Variants in GLS2 observed in about 807,000 individuals in gnomAD.
GLS2 encodes glutaminase liver isoform, mitochondrial.
Under a neutral mutation model 79.0 loss-of-function variants are expected in GLS2, and 52 were observed. The ratio of observed to expected loss-of-function variants is 0.66; its 90% CI spans 0.53 to 0.83. The LOEUF (loss-of-function observed/expected upper bound fraction) is 0.83, where lower values mean the gene tolerates loss of function less well. Among genes scored for constraint, GLS2 ranks in the 40% least tolerant of loss-of-function variants. GLS2 has a pLI of 0.00. For missense variants in GLS2, 561 were observed against 764.8 expected (o/e 0.73, Z 3.14); for synonymous variants, 238 against 280.8 (o/e 0.85, Z 1.52).
chr12:56,480,538 A>G (rs533429448), intron 1 of GLS2, 151 bp from the exon 2 acceptor site: 1 of 648,636 alleles, frequency 1.5e-6, no homozygotes, highest in Admixed American at 2.4e-5. Flanking sequence ...TCTAACTTTC[A>G]TGTCTGTCCT....
In GLS2 at chr12:56,479,644, T is replaced by C. The variant is rs569011089; in HGVS notation, c.404+136A>G. 111 of 1,051,610 alleles carry C rather than the reference T, an allele frequency of 1.1e-4. No individual in the cohort carries two copies. In the Middle Eastern group the frequency reaches 2.0e-3, roughly 19 times the overall value. 65.1% of individuals were successfully genotyped at this position (1,051,610 alleles called of 1,614,324 possible). A position where few individuals can be genotyped will look rare whatever the true frequency, so the allele number is the denominator to read the frequency against. On this transcript the variant is annotated intron_variant, in intron 3 of 17. Transcript: ENST00000311966. ...TTTGAACTCTTATGATGAGTATTCATGTATAACTTATGTAATAAGTAATAA... is the reference window on the plus strand; with the variant it reads ...TTTGAACTCTTATGATGAGTATTCACGTATAACTTATGTAATAAGTAATAA...
chr12:56,475,975 C>G lies in GLS2; in HGVS notation c.840G>C (p.Met280Ile), dbSNP rs755412206. ...CAAACTTCTCTGCTTTGTTACAGTC[C>G]ATCTGCAGAGAAAGAGAGAGATGTC... ...GAIVVSSLIKMDCNKAEKFDF... is the reference protein window; with the variant it reads ...GAIVVSSLIKIDCNKAEKFDF... Residue 280 changes from methionine (M) to isoleucine (I), a missense_variant and splice_region_variant, in exon 8 of 18, where the codon ATG becomes ATC. Physicochemically the swap from Met to Ile is conservative, Grantham distance 10 (BLOSUM62 1). This residue lies in a region of GLS2 where 221 missense variants were observed against 275.6 expected (regional missense o/e 0.80). Transcript: ENST00000311966. 1 of 1,613,072 alleles carries G rather than the reference C, an allele frequency of 6.2e-7. No individual in the cohort carries two copies. Among genetic ancestry groups the G allele is most frequent in the African/African-American group, 1.3e-5 (1 of 74,908 alleles).
At chr12:56,476,200 T>G in intron 7 of GLS2, 1 of 238,978 alleles carries the variant, frequency 4.2e-6, no homozygotes, top group South Asian at 6.7e-5. Context: ...GTCACCCTTG[T>G]CACCCAGGCT....
rs1307885723 is a variant in GLS2, at chr12:56,479,773, C to T, written c.404+7G>A. 1 of 1,592,106 alleles carries T rather than the reference C, an allele frequency of 6.3e-7. No homozygotes were observed. The highest frequency in any genetic ancestry group is 1.7e-5 in the Admixed American group (1 of 58,512). ...GAGAGCAGTGCCCTTGTTTCTGGGG[C>T]CCTCACTTTCGGAAGAGATCTCGGT... is the stretch of plus-strand genomic sequence containing the variant. On this transcript the variant is annotated splice_region_variant and intron_variant, in intron 3 of 17. Coordinates refer to ENST00000311966, the MANE Select transcript of GLS2 (RefSeq NM_013267.4).
intron 4 of GLS2, chr12:56,478,516 C>A (rs1228438159): frequency 4.1e-6 from 2 of 483,768 alleles, no homozygotes; most frequent in East Asian, 3.7e-5. Flanking sequence ...TCTGAGGCAA[C>A]CTTCCCCTTT....
Position 56,472,693 on chromosome 12 carries a change from C to T in GLS2, c.1508G>A (p.Arg503Gln), listed in dbSNP as rs753842932. ...AAYSGDVSAL[R>Q]RFALSAMDME... ...TATTTGGTCACAGTAGCATTACCTT[C>T]GAAGAGCTGAGACATCGCCACTATA... The change falls in exon 15 of 18, where the codon CGA (arginine) becomes CAA (glutamine). Residue 503 changes from arginine (R) to glutamine (Q), a missense_variant. By Grantham distance (43) the Arg-to-Gln change is conservative (BLOSUM62 1). Around this residue, in one of 4 missense-constraint regions of GLS2, gnomAD observed 136 missense variants for 228.6 expected, o/e 0.59. Transcript: ENST00000311966. 5.0e-6 allele frequency: 8 copies of T among 1,613,580 alleles called. No individual in the cohort carries two copies. Among genetic ancestry groups the T allele is most frequent in the East Asian group, 2.2e-5 (1 of 44,872 alleles).
chr12:56,487,190 C>T (rs749708396), intron 1 of GLS2, among the ~76,000 whole-genome samples: 4 of 152,166 alleles, frequency 2.6e-5, no homozygotes, highest in Non-Finnish European at 5.9e-5. Context: ...GAAAAAGGCT[C>T]AGCCACCAAG....
In GLS2 at chr12:56,479,760, C is replaced by T. The variant is rs1301161284; in HGVS notation, c.404+20G>A. On this transcript the variant is annotated intron_variant, in intron 3 of 17. Coordinates refer to ENST00000311966, the MANE Select transcript of GLS2 (RefSeq NM_013267.4). ...AGGACAGTTTTCAGAGAGCAGTGCC[C>T]TTGTTTCTGGGGCCCTCACTTTCGG... The T allele has an allele frequency of 6.3e-7, 1 of 1,586,972 alleles. No homozygotes were observed.
At chr12:56,482,646 C>G (rs1870383934) in intron 1 of GLS2, among the ~76,000 whole-genome samples, 2 of 152,216 alleles carry the variant, frequency 1.3e-5, no homozygotes, top group African/African-American at 4.8e-5. Context: ...AGTTGTATTG[C>G]TAGCAAGGTC....
rs1348861836 is a variant in GLS2, at chr12:56,472,180, G to C, written c.1527C>G (p.Ala509=). The C allele has an allele frequency of 1.9e-6, 3 of 1,614,162 alleles. No individual in the cohort carries two copies. Among genetic ancestry groups the C allele is most frequent in the Non-Finnish European group, 1.7e-6 (2 of 1,180,032 alleles). Reference sequence around the variant, plus strand: ...CATAGTCTTTCTGTTCCATATCCATGGCTGACAAGGCAAACCTGAGGGTAG... The same window carrying C: ...CATAGTCTTTCTGTTCCATATCCATCGCTGACAAGGCAAACCTGAGGGTAG... ...VSALRRFALS[A]MDMEQKDYDS... Residue 509 remains alanine (A), a synonymous_variant, in exon 16 of 18, where the codon GCC becomes GCG. Transcript: ENST00000311966.
chr12:56,487,647 C>T, intron 1 of GLS2: 2 of 494,522 alleles, frequency 4.0e-6, no homozygotes, highest in Non-Finnish European at 7.1e-6. Flanking sequence ...CACTCAGACA[C>T]GTGAGCCAAG....
At chr12:56,475,786 T>G in intron 8 of GLS2, 104 bp from the exon 9 acceptor site, 1 of 1,383,806 alleles carries the variant, frequency 7.2e-7, no homozygotes, top group Non-Finnish European at 1.0e-6. Context: ...TCAAGAGGCT[T>G]TCCTCTCTGA....
At chr12:56,473,747 C>T (rs1869524747) in intron 12 of GLS2, 153 bp from the exon 13 acceptor site, 3 of 825,434 alleles carry the variant, frequency 3.6e-6, no homozygotes, top group Non-Finnish European at 5.3e-6. Context: ...TTTTATTACT[C>T]CTGTCCTTTC....
At chr12:56,479,571 GACAGGGATTGAGTAGGGAGGGAAAGGAGA>G (rs1592279548) in intron 3 of GLS2, 180 bp downstream of exon 3, 2 of 540,102 alleles carry the variant, frequency 3.7e-6, no homozygotes, top group East Asian at 7.1e-5. Flanking sequence ...GGGAAAAGAG[GACAGGGATTGAGTAGGGAGGGAAAGGAGA>G]ACATGTATTT....
rs987963381 is a variant in GLS2, at chr12:56,472,161, CTT to C, written c.1544_1545del (p.Lys515ArgfsTer3). The C allele has an allele frequency of 2.5e-6, 4 of 1,614,084 alleles. No individual in the cohort carries two copies. The African/African-American group carries it at 5.3e-5, about 22-fold the overall frequency. ...TGCAGAGCTGTGCGCGAGTCATAGTCTTTCTGTTCCATATCCATGGCTGACAA... is the reference window on the plus strand; with the variant it reads ...TGCAGAGCTGTGCGCGAGTCATAGTCTCTGTTCCATATCCATGGCTGACAA... ...FALSAMDMEQ[K>X]DYDSRTALHV... On this transcript the variant is annotated frameshift_variant, in exon 16 of 18. Coordinates refer to ENST00000311966, the MANE Select transcript of GLS2 (RefSeq NM_013267.4). LOFTEE classifies it high-confidence loss of function.
chr12:56,481,623 A>G (rs1184137837), intron 1 of GLS2, among the ~76,000 whole-genome samples: 4 of 147,510 alleles, frequency 2.7e-5, no homozygotes, highest in East Asian at 2.1e-4. Context: ...GGGCATGGTG[A>G]CTCACACCTG....
chr12:56,485,903 G>A (rs1259637979), intron 1 of GLS2, among the ~76,000 whole-genome samples: 2 of 150,034 alleles, frequency 1.3e-5, no homozygotes, highest in Non-Finnish European at 1.5e-5. Context: ...TTAGCCAGTC[G>A]TAGTGGTGGG....
At chr12:56,485,375 A>G (rs577014908) in intron 1 of GLS2, among the ~76,000 whole-genome samples, 9 of 151,962 alleles carry the variant, frequency 5.9e-5, no homozygotes, top group South Asian at 2.1e-4. Context: ...TCCCACATCA[A>G]TCTCCCAAGT....
intron 1 of GLS2, chr12:56,487,426 C>T (rs74091908): frequency 0.011 from 1,662 of 155,310 alleles, 31 homozygotes; most frequent in African/African-American, 0.038. Flanking sequence ...TCAGGGAGCA[C>T]TGCTACGCAC....
Sources: allele counts gnomAD v4.1 joint callset (sites outside exome capture counted in the v4.1 genomes callset), GRCh38; gene constraint gnomAD v4.1.1; regional missense constraint gnomAD v4.1.1; transcripts MANE v1.5; gene names NCBI Gene and HGNC (gene_info 2026-07-23, HGNC 2026-07-21).